The following CPS1 variants were observed in gnomAD, a reference collection of about 807,000 sequenced individuals.
CPS1 encodes the protein carbamoyl-phosphate synthase [ammonia], mitochondrial.
A neutral mutation model predicts 174.6 loss-of-function variants in CPS1; 109 were observed. The ratio of observed to expected loss-of-function variants is 0.62; its 90% CI spans 0.53 to 0.73. CPS1 has a LOEUF of 0.73. Among genes scored for constraint, CPS1 ranks in the 30% least tolerant of loss-of-function variants. The pLI, the probability that CPS1 is intolerant of heterozygous loss-of-function variation, is 0.00. For missense variants in CPS1, 1,689 were observed against 1,821.9 expected, an observed-to-expected ratio of 0.93 and a Z score of 1.33; for synonymous variants, 637 against 632.0, an observed-to-expected ratio of 1.01 and a Z score of -0.12.
intron 1 of CPS1, among the ~76,000 whole-genome samples, chr2:210,497,075 G>C (rs529513799): frequency 3.9e-5 from 6 of 152,068 alleles, no homozygotes; most frequent in Admixed American, 6.6e-5. Context: ...CTTTGTGTAA[G>C]ATCTAATTAA....
chr2:210,655,717 C>T (rs1404775483), intron 29 of CPS1, among the ~76,000 whole-genome samples: 2 of 152,074 alleles, frequency 1.3e-5, no homozygotes, highest in Non-Finnish European at 2.9e-5. Flanking sequence ...AGCACTTTGC[C>T]CAGGTCACAG....
At position 210,600,646 on chromosome 2, in the gene CPS1, G is replaced by T; in HGVS notation, c.1641G>T (p.Arg547Ser). 6.2e-7 allele frequency: 1 copy of T among 1,612,218 alleles called. No individual in the cohort carries two copies. Among genetic ancestry groups the T allele is most frequent in the South Asian group, 1.1e-5 (1 of 91,036 alleles). ...AGTCCATTATGGCTACGGAAGACAG[G>T]CAGCTGTTTTCAGATAAACTAAATG... ...SVESIMATED[R>S]QLFSDKLNEI... The change falls in exon 15 of 38, where the codon AGG (arginine) becomes AGT (serine). Residue 547 changes from arginine to serine, a missense_variant. Transcript: ENST00000233072.
At chr2:210,526,941 T>G (rs1695988142) in intron 1 of CPS1, among the ~76,000 whole-genome samples, 1 of 151,934 alleles carries the variant, frequency 6.6e-6, no homozygotes, top group African/African-American at 2.4e-5. Context: ...AATGCCAAAA[T>G]CTCTATTTTC....
intron 1 of CPS1, among the ~76,000 whole-genome samples, chr2:210,506,601 C>T (rs1391291173): frequency 1.3e-5 from 2 of 152,090 alleles, no homozygotes. Context: ...GAAGTTCGAA[C>T]CCATGGCAAA....
In CPS1 at chr2:210,508,287, A is replaced by G. The variant is rs574616926; in HGVS notation, c.3+30521A>G. 2.8e-3 allele frequency among the ~76,000 whole-genome samples: 420 copies of G among 152,152 alleles called. 5 individuals carry two copies. Among genetic ancestry groups the G allele is most frequent in the African/African-American group, 9.3e-3 (385 of 41,496 alleles). On this transcript the variant is annotated intron_variant, in intron 1 of 38. Coordinates refer to the CPS1 transcript ENST00000430249. ...CTGCTCCTGAGTGACTACTGGGTAC[A>G]TAATGAAATGAAGGCAGAAATAAAG...
intron 4 of CPS1, 66 bp from the exon 5 acceptor site, chr2:210,579,648 C>A: frequency 7.4e-7 from 1 of 1,347,386 alleles, no homozygotes; most frequent in Non-Finnish European, 1.1e-6. Context: ...AAGTTTGTAA[C>A]TTGAAAACAA....
At chr2:210,543,427 A>G (rs1034490537) in intron 1 of CPS1, among the ~76,000 whole-genome samples, 21 of 151,904 alleles carry the variant, frequency 1.4e-4, no homozygotes, top group Admixed American at 3.9e-4. Flanking sequence ...GGAAGATATC[A>G]TCAATTTCCA....
chr2:210,673,471 A>G (rs1245385037), intron 34 of CPS1: 1 of 152,220 alleles, frequency 6.6e-6, no homozygotes, highest in African/African-American at 2.4e-5. Context: ...GGTCCTAGGA[A>G]AGACACAGCA....
intron 1 of CPS1, chr2:210,477,828 C>G: frequency 6.3e-7 from 1 of 1,576,764 alleles, no homozygotes; most frequent in Non-Finnish European, 8.7e-7. Flanking sequence ...GAGCAACTCA[C>G]AAGAGAGAAA....
At chr2:210,492,109 A>G (rs898382671) in intron 1 of CPS1, among the ~76,000 whole-genome samples, 1 of 152,238 alleles carries the variant, frequency 6.6e-6, no homozygotes, top group Non-Finnish European at 1.5e-5. Flanking sequence ...AGACTTCACT[A>G]TCCCTCCAGA....
chr2:210,540,842 T>C (rs1299152901), intron 1 of CPS1, among the ~76,000 whole-genome samples: 1 of 152,188 alleles, frequency 6.6e-6, no homozygotes, highest in East Asian at 1.9e-4. Context: ...CTTTATAATA[T>C]TGACTACTAT....
chr2:210,619,946 C>T (rs1478715865), intron 21 of CPS1: 1 of 150,536 alleles, frequency 6.6e-6, no homozygotes, highest in Non-Finnish European at 1.5e-5. Flanking sequence ...GGGTGGGGGG[C>T]TAAGGGAGGG....
intron 34 of CPS1, chr2:210,673,741 C>T (rs1290916472): frequency 6.6e-6 from 1 of 152,080 alleles, no homozygotes; most frequent in African/African-American, 2.4e-5. Flanking sequence ...AGTAGTAACA[C>T]TTAAGTAGTG....
intron 1 of CPS1, among the ~76,000 whole-genome samples, chr2:210,526,397 T>G (rs1695974056): frequency 6.6e-6 from 1 of 151,264 alleles, no homozygotes; most frequent in African/African-American, 2.4e-5. Context: ...AAAAAAAGAA[T>G]GAGTTTTATA....
intron 15 of CPS1, 121 bp from the exon 16 acceptor site, chr2:210,602,081 C>A: frequency 8.4e-7 from 1 of 1,184,236 alleles, no homozygotes; most frequent in Non-Finnish European, 1.2e-6. Flanking sequence ...AATAATAGAA[C>A]ATTTCTAGAT....
At chr2:210,520,401 C>A (rs1235294798) in intron 1 of CPS1, among the ~76,000 whole-genome samples, 1 of 151,950 alleles carries the variant, frequency 6.6e-6, no homozygotes, top group African/African-American at 2.4e-5. Flanking sequence ...CACCTATCAA[C>A]CCGCCATCTA....
chr2:210,598,806 G>T (rs531573997), intron 13 of CPS1, among the ~76,000 whole-genome samples: 2 of 151,856 alleles, frequency 1.3e-5, no homozygotes, highest in South Asian at 4.2e-4. Flanking sequence ...ACAAATCATT[G>T]AGGCAGAAAT....
chr2:210,569,733 A>G (rs1175274151), intron 1 of CPS1, among the ~76,000 whole-genome samples: 1 of 152,056 alleles, frequency 6.6e-6, no homozygotes, highest in East Asian at 1.9e-4. Context: ...CATAGGGATC[A>G]TGTCATGATA....
chr2:210,519,521 A>G (rs942577114), intron 1 of CPS1: 3 of 152,300 alleles, frequency 2.0e-5, no homozygotes, highest in Non-Finnish European at 2.9e-5. Flanking sequence ...CTGAATAATT[A>G]TTGTCATTGA....
Sources: allele counts gnomAD v4.1 joint callset (sites outside exome capture counted in the v4.1 genomes callset), GRCh38; gene constraint gnomAD v4.1.1; transcripts MANE v1.5; gene names NCBI Gene and HGNC (gene_info 2026-07-23, HGNC 2026-07-21).